Variants in VEGFD observed in about 807,000 individuals in gnomAD.
The protein encoded by VEGFD is c-fos induced growth factor (vascular endothelial growth factor D).
In VEGFD, 26 loss-of-function variants were observed where a neutral mutation model predicts 28.0. The observed-to-expected ratio is 0.93, with a 90% CI of 0.68 to 1.29. VEGFD has a LOEUF of 1.29. Ranked by LOEUF, VEGFD falls within the 50% of genes most tolerant of loss-of-function variation. The probability of loss-of-function intolerance (pLI) is 0.00; values close to 1 mark genes in which losing one functional copy is unlikely to be tolerated. For synonymous variants in VEGFD, 93 were observed against 95.5 expected, an observed-to-expected ratio of 0.97 and a Z score of 0.15; for missense variants, 294 against 273.4, an observed-to-expected ratio of 1.08 and a Z score of -0.53.
At chrX:15,380,626 T>C (rs1923547280) in intron 1 of VEGFD, among the ~76,000 whole-genome samples, 1 of 113,073 alleles carries the variant, frequency 8.8e-6, no homozygotes, top group African/African-American at 3.2e-5. Context: ...ATTAGTGACA[T>C]TGAAAAGATT....
chrX:15,379,350 AAAT>A (rs1354570194), intron 1 of VEGFD, among the ~76,000 whole-genome samples: 22 of 112,059 alleles, frequency 2.0e-4, no homozygotes, highest in Non-Finnish European at 9.4e-5. Context: ...TGAAAAAAAT[AAAT>A]GAATGAATTG....
rs367883336 is a variant in VEGFD, at chrX:15,368,843, C to A, written c.91-5524G>T. On this transcript the variant is annotated intron_variant, in intron 1 of 6. Coordinates refer to ENST00000297904, the MANE Select transcript of VEGFD (RefSeq NM_004469.5). ...ACCAGATCTCTGCTTTTTATTACAG[C>A]GGCAGCTTTTTTATGGTAATTAATT... Among the ~76,000 whole-genome samples the A allele has an allele frequency of 1.8e-4, 20 of 112,009 alleles. No individual in the cohort carries two copies. The East Asian group carries it at 2.0e-3, about 11-fold the overall frequency.
chrX:15,364,300 T>C (rs960562216), intron 1 of VEGFD, among the ~76,000 whole-genome samples: 2 of 112,048 alleles, frequency 1.8e-5, no homozygotes, highest in African/African-American at 6.5e-5. Flanking sequence ...TATGGAGCTA[T>C]CAAATACTCT....
chrX:15,371,985 C>T (rs192003178), intron 1 of VEGFD, among the ~76,000 whole-genome samples: 1 of 111,816 alleles, frequency 8.9e-6, no homozygotes, highest in African/African-American at 3.2e-5. Context: ...TTTACTACTA[C>T]CCAGATTTGT....
rs188373460 is a variant in VEGFD, at chrX:15,381,720, C to G, written c.90+2137G>C. Among the ~76,000 whole-genome samples the G allele has an allele frequency of 4.0e-3, 439 of 111,045 alleles. 3 individuals carry two copies. Among genetic ancestry groups the G allele is most frequent in the African/African-American group, 0.014 (415 of 30,604 alleles). On this transcript the variant is annotated intron_variant, in intron 1 of 6. Coordinates refer to ENST00000297904, the MANE Select transcript of VEGFD (RefSeq NM_004469.5). ...TAACCAATATTATATATCTCATTAT[C>G]CCTTACCACTCAGTCATATCTATGC...
chrX:15,365,098 T>C (rs1923113196), intron 1 of VEGFD, among the ~76,000 whole-genome samples: 1 of 112,302 alleles, frequency 8.9e-6, no homozygotes, highest in Non-Finnish European at 1.9e-5. Context: ...ATGAGGAACA[T>C]CTGGAGACAT....
At chrX:15,378,898 T>C (rs1393134182) in intron 1 of VEGFD, among the ~76,000 whole-genome samples, 1 of 111,275 alleles carries the variant, frequency 9.0e-6, no homozygotes, top group East Asian at 2.8e-4. Context: ...TGATCTTCTC[T>C]GGCTACTTCT....
chrX:15,382,102 T>C (rs1923590604), intron 1 of VEGFD, among the ~76,000 whole-genome samples: 1 of 111,282 alleles, frequency 9.0e-6, no homozygotes, highest in African/African-American at 3.3e-5. Flanking sequence ...GGGCAGATCA[T>C]CAGGTCAGGA....
chrX:15,380,350 T>C (rs1344767717), intron 1 of VEGFD, among the ~76,000 whole-genome samples: 1 of 112,682 alleles, frequency 8.9e-6, no homozygotes, highest in Non-Finnish European at 1.9e-5. Context: ...AACACAAATG[T>C]AAAGAAGTCT....
chrX:15,364,471 T>C (rs1923097635), intron 1 of VEGFD, among the ~76,000 whole-genome samples: 2 of 112,139 alleles, frequency 1.8e-5, no homozygotes, highest in African/African-American at 6.5e-5. Flanking sequence ...AATAATGATA[T>C]ATGCATACAA....
intron 5 of VEGFD, among the ~76,000 whole-genome samples, chrX:15,350,593 T>C (rs941949623): frequency 2.7e-5 from 3 of 112,376 alleles, no homozygotes; most frequent in African/African-American, 9.7e-5. Flanking sequence ...TACCCTTTAA[T>C]GCCTTGTGCC....
At chrX:15,378,209 C>G in intron 1 of VEGFD, among the ~76,000 whole-genome samples, 1 of 111,872 alleles carries the variant, frequency 8.9e-6, no homozygotes, top group Non-Finnish European at 1.9e-5. Flanking sequence ...CCTCTGGCTC[C>G]TAAAAGGGAA....
chrX:15,369,909 G>T (rs1923266454), intron 1 of VEGFD, among the ~76,000 whole-genome samples: 1 of 112,189 alleles, frequency 8.9e-6, no homozygotes, highest in Non-Finnish European at 1.9e-5. Flanking sequence ...AATGAAAAAT[G>T]TTGCATAGTT....
chrX:15,355,214 G>C lies in VEGFD; in HGVS notation c.577C>G (p.Pro193Ala), dbSNP rs1232705433. 1.7e-6 allele frequency: 2 copies of C among 1,206,053 alleles called. No homozygotes were observed. The highest frequency in any genetic ancestry group is 1.8e-5 in the South Asian group (1 of 55,586). ...VANHTGCKCL[P>A]TAPRHPYSII... Reference sequence around the variant, plus strand: ...GAGTATGGATGGCGGGGGGCTGTTGGCAAGCACTTACAACCTGTATGATTG... The same window carrying C: ...GAGTATGGATGGCGGGGGGCTGTTGCCAAGCACTTACAACCTGTATGATTG... Residue 193 changes from proline (P) to alanine (A), a missense_variant, in exon 4 of 7, where the codon CCA becomes GCA. Pro to Ala is a conservative substitution (Grantham distance 27). Coordinates refer to ENST00000297904, the MANE Select transcript of VEGFD (RefSeq NM_004469.5).
rs1435865301 is a variant in VEGFD at position 15,345,998 on chromosome X, A to C, written c.*135T>G. On this transcript the variant is annotated 3_prime_UTR_variant, in exon 7 of 7. Transcript: ENST00000297904. ...GGACTCCTTAGCTGGTGTGAATGGA[A>C]GGTTGGTCTGGATTCACTGTGGTGC... 2.7e-6 allele frequency: 2 copies of C among 731,112 alleles called. No individual in the cohort carries two copies. The highest frequency in any genetic ancestry group is 4.0e-6 in the Non-Finnish European group (2 of 495,843). 60.3% of individuals were successfully genotyped at this position (731,112 alleles called of 1,213,427 possible). A position where few individuals can be genotyped will look rare whatever the true frequency, so the allele number is the denominator to read the frequency against.
chrX:15,361,988 C>A (rs1170450247), intron 2 of VEGFD, among the ~76,000 whole-genome samples: 2 of 111,593 alleles, frequency 1.8e-5, no homozygotes, highest in African/African-American at 6.5e-5. Flanking sequence ...CCTGCCTCAG[C>A]CTCCCAAGTA....
intron 1 of VEGFD, among the ~76,000 whole-genome samples, chrX:15,367,854 C>T (rs2147745477): frequency 9.3e-6 from 1 of 107,956 alleles, no homozygotes; most frequent in Non-Finnish European, 1.9e-5. Flanking sequence ...ACTCAGGAGA[C>T]TGAGGTGGGA....
chrX:15,353,497 T>C (rs1374374870), intron 4 of VEGFD, among the ~76,000 whole-genome samples: 6 of 112,540 alleles, frequency 5.3e-5, no homozygotes, highest in Non-Finnish European at 1.1e-4. Flanking sequence ...CCCAGCACTT[T>C]GGGAGTCCGA....
chrX:15,380,473 A>ATTT, intron 1 of VEGFD, among the ~76,000 whole-genome samples: 1 of 112,576 alleles, frequency 8.9e-6, no homozygotes, highest in African/African-American at 3.2e-5. Flanking sequence ...ATATTCTTCT[A>ATTT]CCAGTGTAAT....
Sources: gnomAD v4.1 joint callset for allele counts (sites outside exome capture counted in the v4.1 genomes callset) on GRCh38, gnomAD v4.1.1 for gene constraint, MANE v1.5 for transcripts, NCBI Gene and HGNC (gene_info 2026-07-23, HGNC 2026-07-21) for gene names.